Variants in ACACA observed in about 807,000 individuals in gnomAD.
ACACA encodes the protein acetyl-CoA carboxylase alpha, also known as acetyl-CoA carboxylase 1.
ACACA carries 103 observed loss-of-function variants against 296.1 expected under a neutral mutation model. The ratio of observed to expected loss-of-function variants is 0.35; its 90% CI spans 0.30 to 0.41. The LOEUF (loss-of-function observed/expected upper bound fraction) is 0.41, where lower values mean the gene tolerates loss of function less well. Ranked by LOEUF, ACACA falls within the 10% of genes least tolerant of loss-of-function variation. ACACA has a pLI of 1.00. For synonymous variants in ACACA, 953 were observed against 1,038.6 expected, an observed-to-expected ratio of 0.92 and a Z score of 1.58; for missense variants, 1,554 against 2,989.7, an observed-to-expected ratio of 0.52 and a Z score of 11.20.
intron 45 of ACACA, among the ~76,000 whole-genome samples, chr17:37,144,786 C>T (rs1457907515): frequency 6.6e-6 from 1 of 151,784 alleles, no homozygotes; most frequent in Admixed American, 6.6e-5. Context: ...GGGGCCTGAT[C>T]TCGCTAAGGG....
intron 52 of ACACA, among the ~76,000 whole-genome samples, chr17:37,106,534 T>A (rs2073696180): frequency 6.6e-6 from 1 of 152,224 alleles, no homozygotes; most frequent in Admixed American, 6.5e-5. Context: ...AATCATTATA[T>A]TAATAGAAAA....
At chr17:37,092,286 AAAG>A (rs1486409218) in intron 54 of ACACA, among the ~76,000 whole-genome samples, 2 of 151,922 alleles carry the variant, frequency 1.3e-5, no homozygotes, top group Non-Finnish European at 2.9e-5. Flanking sequence ...AAAAAAAAAA[AAAG>A]AAAATGTGGC....
chr17:37,242,170 C>A, intron 22 of ACACA, 117 bp from the exon 23 acceptor site: 1 of 788,348 alleles, frequency 1.3e-6, no homozygotes, highest in South Asian at 1.4e-5. Flanking sequence ...GTTCCTATCT[C>A]ACATGTTGGC....
At chr17:37,333,184 T>G (rs1352991997) in intron 2 of ACACA, among the ~76,000 whole-genome samples, 1 of 152,142 alleles carries the variant, frequency 6.6e-6, no homozygotes. Flanking sequence ...AGACTCTAAG[T>G]ATGCTTACCT....
At chr17:37,164,021 C>G (rs911014485) in intron 41 of ACACA, among the ~76,000 whole-genome samples, 1 of 152,126 alleles carries the variant, frequency 6.6e-6, no homozygotes, top group Non-Finnish European at 1.5e-5. Flanking sequence ...TTCCCCTATA[C>G]CTGGATAAGT....
chr17:37,321,402 A>C (rs1187976824), intron 3 of ACACA, among the ~76,000 whole-genome samples: 1 of 152,178 alleles, frequency 6.6e-6, no homozygotes, highest in Non-Finnish European at 1.5e-5. Flanking sequence ...AGGCAGGTGG[A>C]TCACGAGGTC....
intron 3 of ACACA, among the ~76,000 whole-genome samples, chr17:37,325,414 A>G (rs1168730490): frequency 6.6e-6 from 1 of 151,618 alleles, no homozygotes; most frequent in Non-Finnish European, 1.5e-5. Context: ...TAAATGTTCA[A>G]TTGAATACTA....
rs1399821829 is a variant in ACACA at position 37,088,931 on chromosome 17, G to A, written c.7028+7C>T. 2 of 1,614,158 alleles carry A rather than the reference G, an allele frequency of 1.2e-6. No homozygotes were observed. Among genetic ancestry groups the A allele is most frequent in the East Asian group, 4.5e-5 (2 of 44,884 alleles). On this transcript the variant is annotated splice_region_variant and intron_variant, in intron 55 of 55. Coordinates refer to ENST00000616317, the MANE Select transcript of ACACA (RefSeq NM_198834.3). ...TTCTCTAGTGGAGTTCCCCACGTTGGTCTCACCTGCGGATTTGCTTGAGGA... is the reference window on the plus strand; with the variant it reads ...TTCTCTAGTGGAGTTCCCCACGTTGATCTCACCTGCGGATTTGCTTGAGGA...
At chr17:37,280,685 G>A (rs2082472988) in intron 5 of ACACA, among the ~76,000 whole-genome samples, 1 of 150,584 alleles carries the variant, frequency 6.6e-6, no homozygotes, top group South Asian at 2.1e-4. Context: ...TGCATGACAG[G>A]TAGATGGGAA....
intron 1 of ACACA, chr17:37,387,512 T>C (rs2050596433): frequency 6.6e-6 from 1 of 151,406 alleles, no homozygotes; most frequent in Non-Finnish European, 1.5e-5. Flanking sequence ...AGTAGCGTAG[T>C]CTCAGCTTAC....
chr17:37,217,734 CAAAAAAAAAAA>C (rs57846347), intron 29 of ACACA, among the ~76,000 whole-genome samples: 3 of 29,372 alleles, frequency 1.0e-4, no homozygotes, highest in Non-Finnish European at 1.6e-4. Context: ...GACTCCATCT[CAAAAAAAAAAA>C]AAAAAAAAAA....
rs1360412268 is a variant in ACACA, at chr17:37,385,934, G to C, written c.38+20328C>G. On this transcript the variant is annotated intron_variant, in intron 1 of 55. Coordinates refer to ENST00000616317, the MANE Select transcript of ACACA (RefSeq NM_198834.3). ...TTGGAAGTTTACTATCAGCTGGGCAGGGTTTCATCAGATAAAACCAAAGGC... is the reference window on the plus strand; with the variant it reads ...TTGGAAGTTTACTATCAGCTGGGCACGGTTTCATCAGATAAAACCAAAGGC... The C allele has an allele frequency of 7.2e-6, 7 of 968,062 alleles. No homozygotes were observed. The East Asian group carries it at 1.9e-4, about 26-fold the overall frequency. The allele number at this position is 968,062 out of a possible 1,614,324, so 60.0% of individuals were successfully genotyped here. A position where few individuals can be genotyped will look rare whatever the true frequency, so the allele number is the denominator to read the frequency against.
chr17:37,348,821 C>T (rs1301254340), intron 1 of ACACA, among the ~76,000 whole-genome samples: 1 of 151,218 alleles, frequency 6.6e-6, no homozygotes, highest in Non-Finnish European at 1.5e-5. Context: ...TGGTGGTGGG[C>T]GCCTGTAGGC....
At chr17:37,161,736 A>T in intron 42 of ACACA, 45 bp downstream of exon 42, 1 of 1,600,528 alleles carries the variant, frequency 6.2e-7, no homozygotes, top group Non-Finnish European at 8.5e-7. Flanking sequence ...CACATGTAGC[A>T]TAACCATATA....
At chr17:37,166,241 C>T (rs371193885) in intron 41 of ACACA, among the ~76,000 whole-genome samples, 2 of 151,852 alleles carry the variant, frequency 1.3e-5, no homozygotes, top group Non-Finnish European at 2.9e-5. Context: ...TTAAGTGATT[C>T]TCCCATTCAG....
At chr17:37,112,955 G>T in intron 51 of ACACA, 133 bp downstream of exon 51, 2 of 1,109,434 alleles carry the variant, frequency 1.8e-6, no homozygotes, top group Admixed American at 2.1e-5. Context: ...GGACTGTAAT[G>T]GAAGGAAAAA....
chr17:37,131,988 G>C (rs368057387), intron 45 of ACACA, among the ~76,000 whole-genome samples: 12 of 152,122 alleles, frequency 7.9e-5, no homozygotes, highest in African/African-American at 2.7e-4. Flanking sequence ...CTCAGCCCAG[G>C]CACTGCGGCT....
At chr17:37,267,892 C>T (rs2081864676) in intron 10 of ACACA, among the ~76,000 whole-genome samples, 1 of 152,042 alleles carries the variant, frequency 6.6e-6, no homozygotes, top group Non-Finnish European at 1.5e-5. Flanking sequence ...ACCCAAGTAG[C>T]TGGGATTACA....
Position 37,283,274 on chromosome 17 carries a change from G to C in ACACA, c.603C>G (p.Ala201=). ...VVMVTPEDLK[A]NAEYIKMADH... ...ATAATGCTAATAACTCACCTGCATT[G>C]GCTTTAAGGTCTTCAGGTGTGACCA... The change falls in exon 5 of 56, where the codon GCC becomes GCG. Residue 201 remains alanine (A), a synonymous_variant. Transcript: ENST00000616317. 6.2e-7 allele frequency: 1 copy of C among 1,614,076 alleles called. No homozygotes were observed. The highest frequency in any genetic ancestry group is 8.5e-7 in the Non-Finnish European group (1 of 1,180,004).
Sources: gnomAD v4.1 joint callset for allele counts (sites outside exome capture counted in the v4.1 genomes callset) on GRCh38, gnomAD v4.1.1 for gene constraint, MANE v1.5 for transcripts, NCBI Gene and HGNC (gene_info 2026-07-23, HGNC 2026-07-21) for gene names.